HTR1F: variants seen among roughly 807,000 people sequenced by gnomAD.
The protein encoded by HTR1F is 5-hydroxytryptamine (serotonin) receptor 1F, G protein-coupled.
Under a neutral mutation model 24.0 loss-of-function variants are expected in HTR1F, and 17 were observed. That is an observed-to-expected ratio of 0.71 (90% CI 0.48 to 1.06). HTR1F has a LOEUF of 1.06. Among genes scored for constraint, HTR1F ranks in the 50% least tolerant of loss-of-function variants. The probability of loss-of-function intolerance (pLI) is 0.00; values close to 1 mark genes in which losing one functional copy is unlikely to be tolerated. For synonymous variants in HTR1F, 186 were observed against 156.8 expected (o/e 1.19, Z -1.39); for missense variants, 391 against 427.8 (o/e 0.91, Z 0.76).
intron 2 of HTR1F, among the ~76,000 whole-genome samples, chr3:87,886,370 C>A (rs1323236158): frequency 6.6e-6 from 1 of 152,070 alleles, no homozygotes; most frequent in East Asian, 1.9e-4. Context: ...TATGACAAAC[C>A]CACAGCCAGT....
intron 2 of HTR1F, among the ~76,000 whole-genome samples, chr3:87,934,979 C>A (rs1273479398): frequency 6.6e-6 from 1 of 152,134 alleles, no homozygotes; most frequent in African/African-American, 2.4e-5. Context: ...GATCCTCCCA[C>A]CCCAGCCTCA....
chr3:87,834,615 A>G (rs1348543499), intron 2 of HTR1F, among the ~76,000 whole-genome samples: 1 of 152,216 alleles, frequency 6.6e-6, no homozygotes, highest in Non-Finnish European at 1.5e-5. Flanking sequence ...ATGAATGGAT[A>G]TATGAATGAA....
chr3:87,888,132 T>C (rs1184979901), intron 2 of HTR1F, among the ~76,000 whole-genome samples: 1 of 152,138 alleles, frequency 6.6e-6, no homozygotes, highest in Non-Finnish European at 1.5e-5. Flanking sequence ...TGGAATACTA[T>C]GCAGACATAA....
intron 2 of HTR1F, among the ~76,000 whole-genome samples, chr3:87,864,871 G>C (rs893553428): frequency 2.7e-5 from 4 of 147,722 alleles, no homozygotes; most frequent in African/African-American, 1.0e-4. Flanking sequence ...ATTCCAGCCT[G>C]GGTGAGCAAG....
intron 1 of HTR1F, among the ~76,000 whole-genome samples, chr3:87,811,429 T>C (rs1485580482): frequency 6.6e-6 from 1 of 152,216 alleles, no homozygotes; most frequent in African/African-American, 2.4e-5. Flanking sequence ...TGGGCTTTAT[T>C]TTTAATAGTG....
At chr3:87,807,576 A>T (rs1004559833) in intron 1 of HTR1F, among the ~76,000 whole-genome samples, 3 of 151,896 alleles carry the variant, frequency 2.0e-5, no homozygotes, top group Non-Finnish European at 4.4e-5. Context: ...AAACAGGGAC[A>T]ATTTGACTTA....
At chr3:87,881,733 G>A (rs987406691) in intron 2 of HTR1F, among the ~76,000 whole-genome samples, 14 of 152,066 alleles carry the variant, frequency 9.2e-5, no homozygotes, top group Non-Finnish European at 1.6e-4. Flanking sequence ...AGACTTAAAC[G>A]TTAGACCTAA....
intron 2 of HTR1F, among the ~76,000 whole-genome samples, chr3:87,983,030 T>C (rs935623843): frequency 1.3e-5 from 2 of 152,136 alleles, no homozygotes; most frequent in Admixed American, 6.5e-5. Flanking sequence ...ATATTTTGCT[T>C]ATGAAATGGA....
intron 2 of HTR1F, among the ~76,000 whole-genome samples, chr3:87,929,073 G>T (rs1217066873): frequency 6.6e-6 from 1 of 152,200 alleles, no homozygotes; most frequent in Non-Finnish European, 1.5e-5. Context: ...AAGTATGACA[G>T]ATTTACATTT....
intron 2 of HTR1F, among the ~76,000 whole-genome samples, chr3:87,891,540 C>G (rs1706086495): frequency 6.6e-6 from 1 of 152,144 alleles, no homozygotes; most frequent in South Asian, 2.1e-4. Flanking sequence ...TGGAACTTTT[C>G]CTGCAAAACC....
chr3:87,906,750 C>T (rs556398881), intron 2 of HTR1F, among the ~76,000 whole-genome samples: 16 of 151,912 alleles, frequency 1.1e-4, no homozygotes, highest in South Asian at 6.2e-4. Flanking sequence ...GCCTTTGCAT[C>T]CTCATAGCTT....
At chr3:87,862,385 C>A (rs1228416715) in intron 2 of HTR1F, among the ~76,000 whole-genome samples, 1 of 152,176 alleles carries the variant, frequency 6.6e-6, no homozygotes, top group Non-Finnish European at 1.5e-5. Context: ...GATCAGTGAA[C>A]CCTCATGAAC....
chr3:87,816,788 A>G (rs1235341183), intron 1 of HTR1F, among the ~76,000 whole-genome samples: 1 of 152,156 alleles, frequency 6.6e-6, no homozygotes, highest in East Asian at 1.9e-4. Flanking sequence ...TAACAGAATC[A>G]GTAAATGCAT....
chr3:87,824,877 A>G (rs981820989), intron 2 of HTR1F, among the ~76,000 whole-genome samples: 14 of 152,198 alleles, frequency 9.2e-5, no homozygotes, highest in African/African-American at 3.1e-4. Flanking sequence ...AAACAAGGCA[A>G]AAGAAAATGT....
At chr3:87,949,410 TAGAAGAGGA>T (rs1490853570) in intron 2 of HTR1F, among the ~76,000 whole-genome samples, 5 of 152,124 alleles carry the variant, frequency 3.3e-5, no homozygotes, top group African/African-American at 4.8e-5. Context: ...ACTCAGTCCT[TAGAAGAGGA>T]CTCCTTCAGA....
intron 2 of HTR1F, among the ~76,000 whole-genome samples, chr3:87,925,730 T>G (rs780741740): frequency 6.6e-6 from 1 of 152,138 alleles, no homozygotes. Context: ...AGGGCCTGCA[T>G]GGAGTGTGAT....
rs576010590 is a variant in HTR1F at position 87,849,437 on chromosome 3, C to T, written c.-43+27313C>T. Among the ~76,000 whole-genome samples, 5 of 151,946 alleles carry T rather than the reference C, an allele frequency of 3.3e-5. No individual in the cohort carries two copies. The South Asian group carries it at 1.0e-3, about 31-fold the overall frequency. On this transcript the variant is annotated intron_variant, in intron 2 of 2. Coordinates refer to ENST00000319595, the MANE Select transcript of HTR1F (RefSeq NM_001322209.2). Reference sequence around the variant, plus strand: ...AAGCTGAAACTGGATCCCTTTCTTACACCTTCTACAAAAATTAATTCAAGA... The same window carrying T: ...AAGCTGAAACTGGATCCCTTTCTTATACCTTCTACAAAAATTAATTCAAGA...
At chr3:87,877,190 G>A (rs1244540749) in intron 2 of HTR1F, among the ~76,000 whole-genome samples, 2 of 151,928 alleles carry the variant, frequency 1.3e-5, no homozygotes, top group African/African-American at 2.4e-5. Context: ...ACAAGTTCTA[G>A]GACATAAACC....
intron 2 of HTR1F, among the ~76,000 whole-genome samples, chr3:87,911,729 G>A (rs902360828): frequency 6.6e-5 from 10 of 152,038 alleles, no homozygotes; most frequent in African/African-American, 2.4e-4. Flanking sequence ...CTCTCAAGTA[G>A]GTTTTATCCC....
Sources: gnomAD v4.1 joint callset for allele counts (sites outside exome capture counted in the v4.1 genomes callset) on GRCh38, gnomAD v4.1.1 for gene constraint, MANE v1.5 for transcripts, NCBI Gene and HGNC (gene_info 2026-07-23, HGNC 2026-07-21) for gene names.